Variants in PDE4D observed in about 807,000 individuals in gnomAD.
PDE4D encodes phosphodiesterase 4D.
A neutral mutation model predicts 87.4 loss-of-function variants in PDE4D; 24 were observed. The observed-to-expected ratio is 0.27, with a 90% CI of 0.20 to 0.39. PDE4D has a LOEUF of 0.39. Among genes scored for constraint, PDE4D ranks in the 10% least tolerant of loss-of-function variants. The pLI, the probability that PDE4D is intolerant of heterozygous loss-of-function variation, is 1.00. For synonymous variants in PDE4D, 384 were observed against 383.2 expected, an observed-to-expected ratio of 1.00 and a Z score of -0.02; for missense variants, 714 against 1,041.0, an observed-to-expected ratio of 0.69 and a Z score of 4.32.
chr5:59,053,655 G>GTTTTTTTTTTTTT (rs1367942598), intron 5 of PDE4D, among the ~76,000 whole-genome samples: 15 of 74,896 alleles, frequency 2.0e-4, no homozygotes, highest in African/African-American at 7.6e-4. Flanking sequence ...GTTTTTTTTT[G>GTTTTTTTTTTTTT]TTGTTGTTTT....
intron 3 of PDE4D, among the ~76,000 whole-genome samples, chr5:59,932,701 T>C (rs1289417577): frequency 1.3e-5 from 2 of 152,172 alleles, no homozygotes; most frequent in African/African-American, 2.4e-5. Context: ...AAATGATGAT[T>C]TATCCCAACT....
At chr5:59,988,479 G>T in intron 3 of PDE4D, 2 of 1,540,290 alleles carry the variant, frequency 1.3e-6, no homozygotes, top group Non-Finnish European at 1.8e-6. Flanking sequence ...GACATCTGAG[G>T]GCACTCACCC....
intron 1 of PDE4D, among the ~76,000 whole-genome samples, chr5:60,365,890 A>C (rs187609054): frequency 3.4e-4 from 51 of 152,098 alleles, no homozygotes; most frequent in Non-Finnish European, 6.2e-4. Flanking sequence ...CTAAAAATAC[A>C]AAAATTATTC....
At chr5:60,430,536 T>G (rs1422520841) in intron 1 of PDE4D, among the ~76,000 whole-genome samples, 6 of 100,060 alleles carry the variant, frequency 6.0e-5, no homozygotes, top group East Asian at 3.7e-4. Flanking sequence ...TTGTGTTTTG[T>G]TTTTTTTTGT....
At chr5:59,085,189 T>C (rs1767447089) in intron 5 of PDE4D, among the ~76,000 whole-genome samples, 1 of 152,180 alleles carries the variant, frequency 6.6e-6, no homozygotes, top group Admixed American at 6.5e-5. Flanking sequence ...ATTGCTTAAG[T>C]GTAGTATATT....
At chr5:59,258,564 TTTC>T (rs1761393571) in intron 1 of PDE4D, among the ~76,000 whole-genome samples, 1 of 151,308 alleles carries the variant, frequency 6.6e-6, no homozygotes. Flanking sequence ...AGTATATTTA[TTTC>T]TTATCTTCTT....
In PDE4D at chr5:59,985,137, TG is replaced by T. The variant is rs1221884229; in HGVS notation, c.272+3350del. Reference sequence around the variant, plus strand: ...ACTTCACCTTTCGTTTTTTGTTTTTTGTTTTTTGTTTTTTATTTTGAGACAG... The same window carrying T: ...ACTTCACCTTTCGTTTTTTGTTTTTTTTTTTTGTTTTTTATTTTGAGACAG... On this transcript the variant is annotated intron_variant, in intron 3 of 16. Transcript: ENST00000502484. Among the ~76,000 whole-genome samples the T allele has an allele frequency of 2.2e-3, 247 of 114,438 alleles. 59 individuals carry two copies. In the East Asian group the frequency reaches 0.038, roughly 18 times the overall value. 75.1% of individuals were successfully genotyped at this position (114,438 alleles called of 152,430 possible). A position where few individuals can be genotyped will look rare whatever the true frequency, so the allele number is the denominator to read the frequency against.
intron 1 of PDE4D, among the ~76,000 whole-genome samples, chr5:59,247,504 T>A (rs1581591623): frequency 6.6e-6 from 1 of 152,060 alleles, no homozygotes; most frequent in Non-Finnish European, 1.5e-5. Flanking sequence ...CTGGATAGAG[T>A]ACAATGGCTT....
chr5:59,548,909 C>A (rs909006993), intron 1 of PDE4D, among the ~76,000 whole-genome samples: 3 of 152,068 alleles, frequency 2.0e-5, no homozygotes, highest in Non-Finnish European at 4.4e-5. Flanking sequence ...GGGAACTGGG[C>A]ATATTTGTTC....
At chr5:59,588,386 T>TG (rs1825490402) in intron 1 of PDE4D, among the ~76,000 whole-genome samples, 1 of 152,150 alleles carries the variant, frequency 6.6e-6, no homozygotes, top group Admixed American at 6.5e-5. Flanking sequence ...TTGAAATCAG[T>TG]GGGAGAATGG....
intron 1 of PDE4D, among the ~76,000 whole-genome samples, chr5:59,763,143 A>G (rs114771864): frequency 0.023 from 3,421 of 151,618 alleles, 105 homozygotes; most frequent in African/African-American, 0.068. Context: ...GCAAACAATG[A>G]CAAAATTTTG....
intron 1 of PDE4D, among the ~76,000 whole-genome samples, chr5:60,439,921 A>C (rs1464200214): frequency 1.5e-5 from 2 of 132,196 alleles, no homozygotes; most frequent in Non-Finnish European, 3.2e-5. Flanking sequence ...TTGTTTAAAA[A>C]AAAAAACAAA....
At chr5:59,240,809 T>C (rs466376) in intron 1 of PDE4D, among the ~76,000 whole-genome samples, 906 of 11,658 alleles carry the variant, frequency 0.078, 10 homozygotes, top group African/African-American at 0.23. Context: ...CACACACACA[T>C]CCCTTTTGGA....
chr5:59,639,933 GTTCT>G (rs1447530037), intron 1 of PDE4D, among the ~76,000 whole-genome samples: 1 of 147,608 alleles, frequency 6.8e-6, no homozygotes, highest in Non-Finnish European at 1.5e-5. Flanking sequence ...TGATGTAACA[GTTCT>G]TTTTTTTTTT....
At chr5:60,498,760 A>G (rs1251418267) in intron 1 of PDE4D, among the ~76,000 whole-genome samples, 3 of 152,202 alleles carry the variant, frequency 2.0e-5, no homozygotes, top group Non-Finnish European at 2.9e-5. Context: ...AATTTAGCCA[A>G]TTCCAGGCTC....
intron 2 of PDE4D, among the ~76,000 whole-genome samples, chr5:60,046,238 G>A (rs547417362): frequency 6.6e-6 from 1 of 152,168 alleles, no homozygotes; most frequent in Non-Finnish European, 1.5e-5. Context: ...ATTTGCTGAA[G>A]TTGCTTATCA....
intron 5 of PDE4D, among the ~76,000 whole-genome samples, chr5:59,160,689 C>T (rs1474180512): frequency 6.6e-6 from 1 of 152,112 alleles, no homozygotes; most frequent in Non-Finnish European, 1.5e-5. Flanking sequence ...ACCACTATCC[C>T]TAAGTGCTTA....
At chr5:59,529,091 G>A (rs1275983021) in intron 1 of PDE4D, 2 of 467,838 alleles carry the variant, frequency 4.3e-6, no homozygotes, top group African/African-American at 2.0e-5. Flanking sequence ...ATCAGCAAAT[G>A]TCTATTCTAA....
chr5:60,290,083 A>G (rs1047373931), intron 1 of PDE4D, among the ~76,000 whole-genome samples: 11 of 152,236 alleles, frequency 7.2e-5, no homozygotes, highest in Non-Finnish European at 1.6e-4. Flanking sequence ...GTAAGTAGGA[A>G]TAGTGTCTCC....
Sources: allele counts gnomAD v4.1 joint callset (sites outside exome capture counted in the v4.1 genomes callset), GRCh38; gene constraint gnomAD v4.1.1; transcripts MANE v1.5; gene names NCBI Gene and HGNC (gene_info 2026-07-23, HGNC 2026-07-21).